The following POGLUT3 variants were observed in gnomAD, a reference collection of about 807,000 sequenced individuals.
The protein encoded by POGLUT3 is KDEL (Lys-Asp-Glu-Leu) containing 2.
POGLUT3 carries 48 observed loss-of-function variants against 54.3 expected under a neutral mutation model. The observed-to-expected ratio is 0.88, with a 90% CI of 0.70 to 1.12. The LOEUF (loss-of-function observed/expected upper bound fraction) is 1.12. Ranked by LOEUF, POGLUT3 falls within the 50% of genes most tolerant of loss-of-function variation. The pLI, the probability that POGLUT3 is intolerant of heterozygous loss-of-function variation, is 0.00. For missense variants in POGLUT3, 629 were observed against 618.7 expected, an observed-to-expected ratio of 1.02 and a Z score of -0.18; for synonymous variants, 218 against 237.4, an observed-to-expected ratio of 0.92 and a Z score of 0.75.
chr11:108,479,400 T>C lies in POGLUT3; in HGVS notation c.1194A>G (p.Pro398=). The C allele has an allele frequency of 3.1e-6, 5 of 1,612,884 alleles. No individual in the cohort carries two copies. Among genetic ancestry groups the C allele is most frequent in the Non-Finnish European group, 4.2e-6 (5 of 1,179,806 alleles). The change falls in exon 6 of 8, where the codon CCA becomes CCG. Residue 398 remains proline, a synonymous_variant. Transcript: ENST00000323468. ...GDSLVLKQDS[P]YYEHFYMALE... Reference sequence around the variant, plus strand: ...GTGCCATGTAGAAATGTTCATAATATGGCGAGTCCTGCTTTAAAACCAGAC... The same window carrying C: ...GTGCCATGTAGAAATGTTCATAATACGGCGAGTCCTGCTTTAAAACCAGAC...
At chr11:108,490,840 G>T in intron 2 of POGLUT3, 130 bp downstream of exon 2, 4 of 563,568 alleles carry the variant, frequency 7.1e-6, no homozygotes, top group Admixed American at 3.2e-5. Context: ...AATTTAAATT[G>T]AGCTCCAGGA....
At chr11:108,492,898 G>A (rs1409578165) in intron 1 of POGLUT3, among the ~76,000 whole-genome samples, 1 of 152,140 alleles carries the variant, frequency 6.6e-6, no homozygotes, top group Non-Finnish European at 1.5e-5. Flanking sequence ...TTCCCACATG[G>A]TTTCAGAAAG....
At chr11:108,486,591 G>T in intron 2 of POGLUT3, 151 bp from the exon 3 acceptor site, 1 of 743,582 alleles carries the variant, frequency 1.3e-6, no homozygotes, top group Non-Finnish European at 2.1e-6. Flanking sequence ...TTATGTTAGA[G>T]TCCTACACTT....
intron 1 of POGLUT3, among the ~76,000 whole-genome samples, chr11:108,495,683 G>C (rs1307700160): frequency 6.6e-6 from 1 of 152,066 alleles, no homozygotes; most frequent in Non-Finnish European, 1.5e-5. Flanking sequence ...TTTAGAGAAA[G>C]GGTCTTGCTA....
chr11:108,481,732 A>G (rs1158953146), intron 4 of POGLUT3, among the ~76,000 whole-genome samples: 7 of 131,494 alleles, frequency 5.3e-5, no homozygotes, highest in Non-Finnish European at 1.3e-4. Context: ...AAAGCAAAAA[A>G]GAGATTCAGT....
At position 108,472,759 on chromosome 11, in the gene POGLUT3, C is replaced by T. The variant is rs2093572130; in HGVS notation, c.*2068G>A. On this transcript the variant is annotated 3_prime_UTR_variant, in exon 8 of 8. Transcript: ENST00000323468. Reference sequence around the variant, plus strand: ...TAGGCAACCTTTCTTGCCATAATCCCAGTTTTGACAAGCCTCAAACACAAT... The same window carrying T: ...TAGGCAACCTTTCTTGCCATAATCCTAGTTTTGACAAGCCTCAAACACAAT... 1.3e-5 allele frequency: 2 copies of T among 152,196 alleles called. No individual in the cohort carries two copies. Among genetic ancestry groups the T allele is most frequent in the African/African-American group, 4.8e-5 (2 of 41,442 alleles). The allele number at this position is 152,196 out of a possible 1,614,324, so 9.4% of individuals were successfully genotyped here. A position where few individuals can be genotyped will look rare whatever the true frequency, so the allele number is the denominator to read the frequency against.
rs930169343 is a variant in POGLUT3 at position 108,481,391 on chromosome 11, C to T, written c.902-15G>A. 1.3e-6 allele frequency: 2 copies of T among 1,540,748 alleles called. No individual in the cohort carries two copies. Among genetic ancestry groups the T allele is most frequent in the East Asian group, 2.3e-5 (1 of 42,958 alleles). On this transcript the variant is annotated splice_polypyrimidine_tract_variant and intron_variant, in intron 4 of 7. Coordinates refer to ENST00000323468, the MANE Select transcript of POGLUT3 (RefSeq NM_153705.5). ...CCAGGAAGGCCCTACAAGTTTGAAG[C>T]CATAAAAAAATTAGGATTATGAATT...
In POGLUT3 at chr11:108,498,310, G is replaced by T. The variant is rs1463061907; in HGVS notation, c.57C>A (p.Ala19=). 1.4e-6 allele frequency: 2 copies of T among 1,449,840 alleles called. No individual in the cohort carries two copies. Among genetic ancestry groups the T allele is most frequent in the Non-Finnish European group, 9.1e-7 (1 of 1,097,994 alleles). The allele number at this position is 1,449,840 out of a possible 1,614,324, so 89.8% of individuals were successfully genotyped here. A position where few individuals can be genotyped will look rare whatever the true frequency, so the allele number is the denominator to read the frequency against. The change falls in exon 1 of 8, where the codon GCC becomes GCA. Residue 19 remains alanine, a synonymous_variant. Coordinates refer to ENST00000323468, the MANE Select transcript of POGLUT3 (RefSeq NM_153705.5). ...LLQLRLALLV[A]AGAPEVLVSA... ...TGACCAGCACCTCCGGGGCCCCCGC[G>T]GCCACCAGCAGGGCGAGGCGCAGCT... is the stretch of plus-strand genomic sequence containing the variant.
Position 108,474,714 on chromosome 11 carries a change from C to T in POGLUT3, c.*113G>A. 1 of 1,246,106 alleles carries T rather than the reference C, an allele frequency of 8.0e-7. No homozygotes were observed. Among genetic ancestry groups the T allele is most frequent in the Non-Finnish European group, 1.1e-6 (1 of 885,958 alleles). The allele number at this position is 1,246,106 out of a possible 1,614,324, so 77.2% of individuals were successfully genotyped here. A position where few individuals can be genotyped will look rare whatever the true frequency, so the allele number is the denominator to read the frequency against. ...CTATATCCATCTACATATATAAAGC[C>T]ACCGGGAGAACTAGTCCACTTGGTG... On this transcript the variant is annotated 3_prime_UTR_variant, in exon 8 of 8. Transcript: ENST00000323468.
rs1418619289 is a variant in POGLUT3 at position 108,473,901 on chromosome 11, G to T, written c.*926C>A. The T allele has an allele frequency of 6.6e-6, 1 of 152,136 alleles. No individual in the cohort carries two copies. The highest frequency in any genetic ancestry group is 6.5e-5 in the Admixed American group (1 of 15,274). The allele number at this position is 152,136 out of a possible 1,614,324, so 9.4% of individuals were successfully genotyped here. ...GCAAAATTTAGTTTAAAGGATATGAGTAGTGCTTTAAAAAATATTCCCTCC... is the reference window on the plus strand; with the variant it reads ...GCAAAATTTAGTTTAAAGGATATGATTAGTGCTTTAAAAAATATTCCCTCC... On this transcript the variant is annotated 3_prime_UTR_variant, in exon 8 of 8. Transcript: ENST00000323468.
chr11:108,496,130 G>C (rs900009132), intron 1 of POGLUT3, among the ~76,000 whole-genome samples: 1 of 152,056 alleles, frequency 6.6e-6, no homozygotes, highest in African/African-American at 2.4e-5. Flanking sequence ...GCCTGTTTTT[G>C]TAAATCCTGT....
intron 1 of POGLUT3, among the ~76,000 whole-genome samples, chr11:108,492,078 T>TCA (rs34082898): frequency 0.44 from 65,837 of 149,752 alleles, 14,389 homozygotes; most frequent in Middle Eastern, 0.66. Context: ...TTGTACAAGC[T>TCA]CACACACACA....
intron 2 of POGLUT3, among the ~76,000 whole-genome samples, chr11:108,488,410 C>G (rs1009821937): frequency 1.3e-5 from 2 of 152,266 alleles, no homozygotes; most frequent in Admixed American, 1.3e-4. Context: ...GTAAGCCCTA[C>G]AATTCCTACA....
chr11:108,474,763 A>G lies in POGLUT3; in HGVS notation c.*64T>C. On this transcript the variant is annotated 3_prime_UTR_variant, in exon 8 of 8. Transcript: ENST00000323468. Reference sequence around the variant, plus strand: ...TGCAGTCTTCTATACTGTCCTTCACAGCTTAGATTCAATCTTTCCTTAAAG... The same window carrying G: ...TGCAGTCTTCTATACTGTCCTTCACGGCTTAGATTCAATCTTTCCTTAAAG... The G allele has an allele frequency of 6.3e-7, 1 of 1,588,582 alleles. No individual in the cohort carries two copies. The highest frequency in any genetic ancestry group is 8.6e-7 in the Non-Finnish European group (1 of 1,166,858).
chr11:108,479,194 A>C, intron 6 of POGLUT3, 107 bp downstream of exon 6: 1 of 749,680 alleles, frequency 1.3e-6, no homozygotes, highest in Non-Finnish European at 2.1e-6. Context: ...AGAAAATAAT[A>C]TTTCTTTTCA....
intron 2 of POGLUT3, among the ~76,000 whole-genome samples, chr11:108,487,620 G>A (rs1481149717): frequency 6.6e-6 from 1 of 152,022 alleles, no homozygotes; most frequent in Non-Finnish European, 1.5e-5. Context: ...GGGGGACAGA[G>A]TCTCACACTG....
Position 108,473,791 on chromosome 11 carries a change from T to A in POGLUT3, c.*1036A>T, listed in dbSNP as rs930202702. ...ACCTTCATCTATGTTAATAACTGTATTGTCTTTGATGGGTATACAACTCAG... is the reference window on the plus strand; with the variant it reads ...ACCTTCATCTATGTTAATAACTGTAATGTCTTTGATGGGTATACAACTCAG... On this transcript the variant is annotated 3_prime_UTR_variant, in exon 8 of 8. Coordinates refer to ENST00000323468, the MANE Select transcript of POGLUT3 (RefSeq NM_153705.5). The A allele has an allele frequency of 6.6e-6, 1 of 152,214 alleles. No individual in the cohort carries two copies. The highest frequency in any genetic ancestry group is 2.4e-5 in the African/African-American group (1 of 41,450). The allele number at this position is 152,214 out of a possible 1,614,324, so 9.4% of individuals were successfully genotyped here.
chr11:108,497,355 C>A (rs570510098), intron 1 of POGLUT3, among the ~76,000 whole-genome samples: 1 of 152,220 alleles, frequency 6.6e-6, no homozygotes, highest in Non-Finnish European at 1.5e-5. Context: ...CAGCTATGTT[C>A]CCAGCTGGAC....
Position 108,491,006 on chromosome 11 carries a change from C to G in POGLUT3, c.364G>C (p.Asp122His). 1 of 1,614,056 alleles carries G rather than the reference C, an allele frequency of 6.2e-7. No individual in the cohort carries two copies. Among genetic ancestry groups the G allele is most frequent in the Non-Finnish European group, 8.5e-7 (1 of 1,179,944 alleles). Residue 122 changes from aspartate (D) to histidine (H), a missense_variant, in exon 2 of 8, where the codon GAT becomes CAT. Coordinates refer to ENST00000323468, the MANE Select transcript of POGLUT3 (RefSeq NM_153705.5). ...TAGGGAGACTGAGCCACATGTTCAT[C>G]ACCATAAAGGACCTCTATCTTCAGG... ...EGLKIEVLYG[D>H]EHVAQSPYIL... is the part of the protein sequence containing the mutation.
Sources: allele counts gnomAD v4.1 joint callset (sites outside exome capture counted in the v4.1 genomes callset), GRCh38; gene constraint gnomAD v4.1.1; transcripts MANE v1.5; gene names NCBI Gene and HGNC (gene_info 2026-07-23, HGNC 2026-07-21).